The following CDIN1 variants were observed in gnomAD, a reference collection of about 807,000 sequenced individuals.
CDIN1 encodes the protein CDAN1 interacting nuclease 1.
In CDIN1, 33 loss-of-function variants were observed where a neutral mutation model predicts 45.3. The observed-to-expected ratio is 0.73, with a 90% CI of 0.55 to 0.97. CDIN1 has a LOEUF of 0.97. CDIN1 is among the 50% of genes least tolerant of loss of function. The probability of loss-of-function intolerance (pLI) is 0.00; values close to 1 mark genes in which losing one functional copy is unlikely to be tolerated. For missense variants in CDIN1, 303 were observed against 339.4 expected (o/e 0.89, Z 0.84); for synonymous variants, 118 against 124.4 (o/e 0.95, Z 0.34).
At position 36,711,805 on chromosome 15, in the gene CDIN1, A is replaced by C. The variant is rs113190208; in HGVS notation, c.716+1844A>C. 2.1e-3 allele frequency among the ~76,000 whole-genome samples: 327 copies of C among 152,282 alleles called. 1 individual carries two copies. Among genetic ancestry groups the C allele is most frequent in the African/African-American group, 7.2e-3 (298 of 41,556 alleles). ...CCAAAGGTCTGCAGAGAGGCCAAGA[A>C]ATGCAAGTTCAAAAAGGAACATTTA... is the stretch of plus-strand genomic sequence containing the variant. On this transcript the variant is annotated intron_variant, in intron 10 of 10. Transcript: ENST00000566621.
intron 10 of CDIN1, among the ~76,000 whole-genome samples, chr15:36,722,491 T>C (rs1363286553): frequency 6.6e-6 from 1 of 152,122 alleles, no homozygotes; most frequent in Non-Finnish European, 1.5e-5. Flanking sequence ...GAAAGCAGCT[T>C]TCTTTGGTTA....
At chr15:36,782,904 G>A (rs2054388232) in intron 10 of CDIN1, among the ~76,000 whole-genome samples, 1 of 152,152 alleles carries the variant, frequency 6.6e-6, no homozygotes, top group Admixed American at 6.5e-5. Flanking sequence ...AGTTCTGCCA[G>A]CCAGACATGG....
chr15:36,690,413 C>T (rs373709363), intron 5 of CDIN1, among the ~76,000 whole-genome samples: 9 of 151,852 alleles, frequency 5.9e-5, no homozygotes, highest in Admixed American at 2.6e-4. Flanking sequence ...GGACTACAGG[C>T]GCCCACCACC....
At chr15:36,636,184 G>GA (rs1464175632) in intron 1 of CDIN1, among the ~76,000 whole-genome samples, 1 of 152,164 alleles carries the variant, frequency 6.6e-6, no homozygotes, top group Non-Finnish European at 1.5e-5. Context: ...GAATGAGACA[G>GA]ATTGTCATTA....
intron 10 of CDIN1, among the ~76,000 whole-genome samples, chr15:36,768,610 C>A (rs1392271198): frequency 6.6e-6 from 1 of 152,150 alleles, no homozygotes; most frequent in East Asian, 1.9e-4. Flanking sequence ...TTACGCAGAT[C>A]CCCATCCTTG....
At chr15:36,671,722 A>T (rs2041458994) in intron 5 of CDIN1, among the ~76,000 whole-genome samples, 1 of 152,054 alleles carries the variant, frequency 6.6e-6, no homozygotes, top group African/African-American at 2.4e-5. Flanking sequence ...TTCGTCAGGC[A>T]CCGATTTTGA....
chr15:36,740,615 G>A (rs1189400254), intron 10 of CDIN1, among the ~76,000 whole-genome samples: 1 of 152,064 alleles, frequency 6.6e-6, no homozygotes, highest in African/African-American at 2.4e-5. Context: ...TGGGCTGGGC[G>A]CAGTGGCTCA....
intron 1 of CDIN1, among the ~76,000 whole-genome samples, chr15:36,594,059 T>C (rs545817431): frequency 1.9e-4 from 29 of 152,350 alleles, no homozygotes; most frequent in African/African-American, 6.7e-4. Context: ...ATTTATCTTA[T>C]TTTTGCAGTT....
intron 8 of CDIN1, among the ~76,000 whole-genome samples, chr15:36,699,042 C>T (rs910197392): frequency 6.6e-6 from 1 of 152,102 alleles, no homozygotes; most frequent in African/African-American, 2.4e-5. Flanking sequence ...TCATCTGTTC[C>T]TCTGTGCTGT....
intron 10 of CDIN1, chr15:36,798,513 T>C (rs1392196152): frequency 2.0e-5 from 3 of 152,224 alleles, no homozygotes; most frequent in African/African-American, 4.8e-5. Flanking sequence ...TACCAAAGCA[T>C]TGTGTCACAT....
chr15:36,745,662 C>G (rs2014875), intron 10 of CDIN1, among the ~76,000 whole-genome samples: 24,649 of 152,072 alleles, frequency 0.16, 2,425 homozygotes, highest in East Asian at 0.29. Flanking sequence ...TAAACTAACT[C>G]ATTTAAGAAT....
At chr15:36,681,728 C>T (rs10775228) in intron 5 of CDIN1, among the ~76,000 whole-genome samples, 68,456 of 151,824 alleles carry the variant, frequency 0.45, 15,868 homozygotes, top group Admixed American at 0.56. Flanking sequence ...CGGTAGATCC[C>T]GAGAGAGTAG....
chr15:36,698,993 G>A (rs1037959097), intron 8 of CDIN1, among the ~76,000 whole-genome samples: 3 of 152,156 alleles, frequency 2.0e-5, no homozygotes, highest in Non-Finnish European at 2.9e-5. Flanking sequence ...ATCTCTACTT[G>A]CAAACAAGTA....
intron 4 of CDIN1, among the ~76,000 whole-genome samples, chr15:36,654,796 T>C (rs1333966812): frequency 6.6e-6 from 1 of 152,096 alleles, no homozygotes; most frequent in African/African-American, 2.4e-5. Context: ...TTCCCATGAA[T>C]GAAGAAGCTG....
At chr15:36,697,194 T>A in intron 7 of CDIN1, 129 bp from the exon 8 acceptor site, 1 of 749,360 alleles carries the variant, frequency 1.3e-6, no homozygotes, top group Non-Finnish European at 2.3e-6. Flanking sequence ...AGGGGATGTG[T>A]GTAGAGATTT....
intron 10 of CDIN1, among the ~76,000 whole-genome samples, chr15:36,764,562 T>C (rs2053861676): frequency 6.6e-6 from 1 of 152,214 alleles, no homozygotes; most frequent in Admixed American, 6.5e-5. Context: ...CCTGCCCCAT[T>C]CCCATGCAAA....
intron 1 of CDIN1, among the ~76,000 whole-genome samples, chr15:36,580,563 A>G (rs549530705): frequency 6.6e-6 from 1 of 152,342 alleles, no homozygotes; most frequent in Non-Finnish European, 1.5e-5. Flanking sequence ...GCATACACAC[A>G]TTCCGGGTGT....
At chr15:36,696,304 A>C (rs1303813765) in intron 7 of CDIN1, 1 of 152,212 alleles carries the variant, frequency 6.6e-6, no homozygotes, top group Non-Finnish European at 1.5e-5. Flanking sequence ...CCTAATCCAC[A>C]ACTCTTTACT....
intron 10 of CDIN1, among the ~76,000 whole-genome samples, chr15:36,761,646 T>C (rs2140998882): frequency 6.6e-6 from 1 of 152,288 alleles, no homozygotes; most frequent in Non-Finnish European, 1.5e-5. Flanking sequence ...GCCCCATCCC[T>C]TTGTGACACC....
Sources: allele counts gnomAD v4.1 joint callset (sites outside exome capture counted in the v4.1 genomes callset), GRCh38; gene constraint gnomAD v4.1.1; transcripts MANE v1.5; gene names NCBI Gene and HGNC (gene_info 2026-07-23, HGNC 2026-07-21).